The following ADGRB3 variants were observed in gnomAD, a reference collection of about 807,000 sequenced individuals.
ADGRB3 encodes brain-specific angiogenesis inhibitor 3.
Under a neutral mutation model 193.4 loss-of-function variants are expected in ADGRB3, and 37 were observed. The ratio of observed to expected loss-of-function variants is 0.19; its 90% CI spans 0.15 to 0.25. The LOEUF (loss-of-function observed/expected upper bound fraction) is 0.25, where lower values mean the gene tolerates loss of function less well. Ranked by LOEUF, ADGRB3 falls within the 10% of genes least tolerant of loss-of-function variation. ADGRB3 has a pLI of 1.00. For synonymous variants in ADGRB3, 690 were observed against 644.2 expected (o/e 1.07, Z -1.08); for missense variants, 1,637 against 1,852.9 (o/e 0.88, Z 2.14).
At chr6:69,255,678 T>G (rs1766749491) in intron 20 of ADGRB3, among the ~76,000 whole-genome samples, 1 of 152,230 alleles carries the variant, frequency 6.6e-6, no homozygotes, top group Admixed American at 6.5e-5. Flanking sequence ...TGGTAGTTTC[T>G]TTTGCTGTGC....
intron 8 of ADGRB3, among the ~76,000 whole-genome samples, chr6:68,973,923 C>T (rs1768661075): frequency 6.6e-6 from 1 of 152,036 alleles, no homozygotes; most frequent in African/African-American, 2.4e-5. Flanking sequence ...AGTTAAACAT[C>T]TGTTATTTTT....
Position 69,239,110 on chromosome 6 carries a change from C to T in ADGRB3, c.2712-14C>T, listed in dbSNP as rs755751711. On this transcript the variant is annotated splice_polypyrimidine_tract_variant and intron_variant, in intron 19 of 31. Transcript: ENST00000370598. ...TGGATTTTAAAGTTGGGTAACTTTT[C>T]TCTCTCTGGCTAGGTACATACGCTC... The T allele has an allele frequency of 4.0e-6, 6 of 1,500,334 alleles. No individual in the cohort carries two copies. In the East Asian group the frequency reaches 1.4e-4, roughly 34 times the overall value. The allele number at this position is 1,500,334 out of a possible 1,614,324, so 92.9% of individuals were successfully genotyped here.
chr6:68,661,075 A>T (rs919847116), intron 3 of ADGRB3, among the ~76,000 whole-genome samples: 1 of 150,398 alleles, frequency 6.6e-6, no homozygotes, highest in South Asian at 2.1e-4. Flanking sequence ...ATACAAAAAA[A>T]TGTTTTTTGG....
Position 69,365,290 on chromosome 6 carries a change from A to G in ADGRB3, c.4239+3778A>G, listed in dbSNP as rs556321785. On this transcript the variant is annotated intron_variant, in intron 29 of 31. Coordinates refer to ENST00000370598, the MANE Select transcript of ADGRB3 (RefSeq NM_001704.3). ...GGGAAACCTGGGATCTTTCTCCCTT[A>G]CTCTTTCTGCTTTTGGAAGCACCTT... 2.6e-5 allele frequency among the ~76,000 whole-genome samples: 4 copies of G among 151,976 alleles called. No homozygotes were observed. In the East Asian group the frequency reaches 5.8e-4, roughly 22 times the overall value.
chr6:68,883,278 A>G (rs1369088520), intron 3 of ADGRB3, among the ~76,000 whole-genome samples: 3 of 152,142 alleles, frequency 2.0e-5, no homozygotes, highest in African/African-American at 7.2e-5. Context: ...CGGACCAATC[A>G]GCGCTCTGTA....
intron 3 of ADGRB3, among the ~76,000 whole-genome samples, chr6:68,813,685 T>C (rs933808298): frequency 2.0e-5 from 3 of 152,092 alleles, no homozygotes; most frequent in Non-Finnish European, 4.4e-5. Context: ...TAGGTATATC[T>C]CCTAATGCTA....
chr6:69,292,032 C>T (rs1767696460), intron 20 of ADGRB3, among the ~76,000 whole-genome samples: 1 of 152,072 alleles, frequency 6.6e-6, no homozygotes, highest in Non-Finnish European at 1.5e-5. Flanking sequence ...AGTTTATTAC[C>T]ATTAGATTAT....
chr6:69,148,806 G>A (rs570559212), intron 17 of ADGRB3, among the ~76,000 whole-genome samples: 3 of 152,204 alleles, frequency 2.0e-5, no homozygotes, highest in South Asian at 2.1e-4. Flanking sequence ...TACCAGATAT[G>A]CTATTATAGG....
intron 3 of ADGRB3, among the ~76,000 whole-genome samples, chr6:68,918,246 T>C (rs988251285): frequency 2.6e-5 from 4 of 152,136 alleles, no homozygotes; most frequent in Non-Finnish European, 5.9e-5. Flanking sequence ...AAGAAAAACC[T>C]GTTAAGATGG....
intron 30 of ADGRB3, among the ~76,000 whole-genome samples, chr6:69,380,024 A>G (rs1022893394): frequency 6.6e-6 from 1 of 151,944 alleles, no homozygotes; most frequent in Non-Finnish European, 1.5e-5. Flanking sequence ...TTTCCTGTAT[A>G]CTTTTTAGAC....
In ADGRB3 at chr6:69,062,921, T is replaced by C; in HGVS notation, c.2334-13T>C. ...ACTCATTTCTCCTTTTAATTATAAT[T>C]ACTCTGTTGCAGAAATTATACTGTC... On this transcript the variant is annotated splice_polypyrimidine_tract_variant and intron_variant, in intron 15 of 31. Coordinates refer to ENST00000370598, the MANE Select transcript of ADGRB3 (RefSeq NM_001704.3). 2 of 1,572,866 alleles carry C rather than the reference T, an allele frequency of 1.3e-6. No homozygotes were observed. Among genetic ancestry groups the C allele is most frequent in the Non-Finnish European group, 1.7e-6 (2 of 1,143,624 alleles).
intron 29 of ADGRB3, among the ~76,000 whole-genome samples, chr6:69,369,792 ATTAGAAT>A (rs1169173910): frequency 6.6e-6 from 1 of 152,076 alleles, no homozygotes. Context: ...ATGATTGCAC[ATTAGAAT>A]GATTTCTAAG....
chr6:68,834,452 T>C (rs1398349969), intron 3 of ADGRB3, among the ~76,000 whole-genome samples: 3 of 152,182 alleles, frequency 2.0e-5, no homozygotes, highest in Non-Finnish European at 4.4e-5. Flanking sequence ...TGTGTGTTTA[T>C]ATAATTTTCT....
At chr6:69,344,534 T>C (rs760336325) in intron 26 of ADGRB3, among the ~76,000 whole-genome samples, 4 of 152,100 alleles carry the variant, frequency 2.6e-5, no homozygotes, top group Non-Finnish European at 5.9e-5. Context: ...AAACCAGTAA[T>C]ATTCCAAAGT....
At chr6:69,372,482 AT>A in intron 30 of ADGRB3, 41 bp downstream of exon 30, 1 of 1,109,062 alleles carries the variant, frequency 9.0e-7, no homozygotes, top group Non-Finnish European at 1.3e-6. Flanking sequence ...AATTACTTGA[AT>A]TCAAAATAGA....
chr6:69,028,758 A>G (rs1211999453), intron 13 of ADGRB3, among the ~76,000 whole-genome samples: 1 of 152,150 alleles, frequency 6.6e-6, no homozygotes, highest in East Asian at 1.9e-4. Flanking sequence ...ATATTATCAC[A>G]TATTATGCCA....
At chr6:68,742,540 C>T (rs1582164280) in intron 3 of ADGRB3, among the ~76,000 whole-genome samples, 1 of 152,054 alleles carries the variant, frequency 6.6e-6, no homozygotes, top group East Asian at 1.9e-4. Flanking sequence ...AAACCTGACT[C>T]CTCTGCTTCC....
At chr6:69,095,522 G>GCA (rs1362061128) in intron 17 of ADGRB3, among the ~76,000 whole-genome samples, 1 of 152,118 alleles carries the variant, frequency 6.6e-6, no homozygotes, top group African/African-American at 2.4e-5. Context: ...GGTAAGGCAG[G>GCA]GAAGACTGGT....
chr6:69,310,488 A>G (rs1768167231), intron 20 of ADGRB3, among the ~76,000 whole-genome samples: 1 of 151,744 alleles, frequency 6.6e-6, no homozygotes. Flanking sequence ...GAGGTATAGT[A>G]ATAAAATTTA....
Sources: allele counts gnomAD v4.1 joint callset (sites outside exome capture counted in the v4.1 genomes callset), GRCh38; gene constraint gnomAD v4.1.1; transcripts MANE v1.5; gene names NCBI Gene and HGNC (gene_info 2026-07-23, HGNC 2026-07-21).